Variants in COL22A1 observed in about 807,000 individuals in gnomAD.
COL22A1 encodes the protein collagen alpha-1(XXII) chain.
Under a neutral mutation model 248.9 loss-of-function variants are expected in COL22A1, and 221 were observed. The ratio of observed to expected loss-of-function variants is 0.89; its 90% confidence interval spans 0.80 to 0.99. The LOEUF is 0.99. Ranked by LOEUF, COL22A1 falls within the 50% of genes least tolerant of loss-of-function variation. The pLI is 0.00. For missense variants in COL22A1, 2,240 were observed against 2,179.0 expected (o/e 1.03, Z -0.56); for synonymous variants, 891 against 793.4 (o/e 1.12, Z -2.07).
At chr8:138,752,310 C>T (rs1192207800) in intron 21 of COL22A1, among the ~76,000 whole-genome samples, 1 of 152,234 alleles carries the variant, frequency 6.6e-6, no homozygotes, top group Non-Finnish European at 1.5e-5. Context: ...CAGAAATGCC[C>T]TCTCTGCATT....
chr8:138,660,554 C>T (rs1823730856), intron 43 of COL22A1, 74 bp from the exon 44 acceptor site: 4 of 1,314,744 alleles, frequency 3.0e-6, no homozygotes, highest in South Asian at 1.2e-5. Flanking sequence ...ACACCCTCTG[C>T]CAATCTCTCT....
chr8:138,781,011 TA>T, intron 12 of COL22A1, 31 bp from the exon 13 acceptor site: 1 of 1,521,628 alleles, frequency 6.6e-7, no homozygotes, highest in Non-Finnish European at 9.0e-7. Context: ...TAGCAATTAG[TA>T]AAGAATAACT....
intron 3 of COL22A1, among the ~76,000 whole-genome samples, chr8:138,875,532 A>C (rs1823650944): frequency 6.6e-6 from 1 of 152,210 alleles, no homozygotes; most frequent in African/African-American, 2.4e-5. Flanking sequence ...TGACAGGTAG[A>C]ATTCATTGTT....
At chr8:138,904,173 C>T (rs1274342257) in intron 1 of COL22A1, among the ~76,000 whole-genome samples, 1 of 152,140 alleles carries the variant, frequency 6.6e-6, no homozygotes, top group Non-Finnish European at 1.5e-5. Context: ...AGAGCTCACA[C>T]GGGGAGTCCC....
chr8:138,626,304 G>A, intron 50 of COL22A1, 61 bp from the exon 51 acceptor site: 1 of 1,333,408 alleles, frequency 7.5e-7, no homozygotes, highest in South Asian at 1.2e-5. Flanking sequence ...GGAAGTAAAT[G>A]ACTTCACAAG....
chr8:138,692,194 G>GTGTGCATGTGCA (rs1827073125), intron 35 of COL22A1, among the ~76,000 whole-genome samples: 31 of 151,166 alleles, frequency 2.1e-4, no homozygotes, highest in African/African-American at 6.8e-4. Flanking sequence ...GCACGTGCAT[G>GTGTGCATGTGCA]TGTGCATGTT....
intron 47 of COL22A1, among the ~76,000 whole-genome samples, chr8:138,638,974 C>G (rs1821433858): frequency 2.0e-5 from 3 of 152,152 alleles, no homozygotes; most frequent in African/African-American, 4.8e-5. Context: ...ACACCCACCC[C>G]CAAGCCTGAT....
intron 4 of COL22A1, among the ~76,000 whole-genome samples, chr8:138,842,956 G>C (rs527540650): frequency 4.9e-4 from 75 of 152,312 alleles, no homozygotes; most frequent in African/African-American, 1.8e-3. Flanking sequence ...GAAAGCAGCT[G>C]ATAGAGTATG....
intron 15 of COL22A1, 63 bp from the exon 16 acceptor site, chr8:138,776,073 G>A (rs1814429971): frequency 6.4e-7 from 1 of 1,562,682 alleles, no homozygotes; most frequent in African/African-American, 1.4e-5. Flanking sequence ...GCTCACCGTG[G>A]GGGTGTCCAT....
At chr8:138,741,924 T>G (rs901298983) in intron 22 of COL22A1, among the ~76,000 whole-genome samples, 1 of 151,974 alleles carries the variant, frequency 6.6e-6, no homozygotes, top group Non-Finnish European at 1.5e-5. Context: ...TTGATGGTGA[T>G]GGTGATGATG....
chr8:138,846,568 T>G (rs1821258651), intron 3 of COL22A1, among the ~76,000 whole-genome samples: 1 of 152,204 alleles, frequency 6.6e-6, no homozygotes, highest in South Asian at 2.1e-4. Context: ...TTGAGTTGGT[T>G]AAGTCAGAAC....
At chr8:138,726,810 G>C (rs1051710791) in intron 23 of COL22A1, among the ~76,000 whole-genome samples, 1 of 152,222 alleles carries the variant, frequency 6.6e-6, no homozygotes, top group African/African-American at 2.4e-5. Flanking sequence ...GGCTGAGCCA[G>C]GACCTCAGAG....
chr8:138,763,892 A>G (rs1563730037), intron 16 of COL22A1, among the ~76,000 whole-genome samples: 1 of 152,060 alleles, frequency 6.6e-6, no homozygotes, highest in African/African-American at 2.4e-5. Flanking sequence ...TTATCCCTGT[A>G]CACGCACCTC....
intron 39 of COL22A1, among the ~76,000 whole-genome samples, chr8:138,683,782 G>GAAA (rs2130847846): frequency 6.6e-6 from 1 of 152,258 alleles, no homozygotes; most frequent in African/African-American, 2.4e-5. Context: ...AACTTTTACT[G>GAAA]TGTTAAGCCT....
chr8:138,822,724 C>G (rs1005499676), intron 6 of COL22A1, among the ~76,000 whole-genome samples: 3 of 152,096 alleles, frequency 2.0e-5, no homozygotes, highest in African/African-American at 7.2e-5. Flanking sequence ...GGAATGGAGA[C>G]CAGTGAGCAG....
At chr8:138,752,793 A>G (rs778868983) in intron 21 of COL22A1, among the ~76,000 whole-genome samples, 1 of 152,236 alleles carries the variant, frequency 6.6e-6, no homozygotes, top group African/African-American at 2.4e-5. Context: ...TCCATTCTCA[A>G]CAGAAGTCAC....
In COL22A1 at chr8:138,777,890, G is replaced by T. The variant is rs1257151963; in HGVS notation, c.1758+463C>A. 8 of 175,396 alleles carry T rather than the reference G, an allele frequency of 4.6e-5. No homozygotes were observed. In the East Asian group the frequency reaches 5.3e-4, roughly 12 times the overall value. 10.9% of individuals were successfully genotyped at this position (175,396 alleles called of 1,614,324 possible). ...TGTTAAATGGTCGAGAAGCTACTTTGTTCCTCATACACCATATCTGTTTGT... is the reference window on the plus strand; with the variant it reads ...TGTTAAATGGTCGAGAAGCTACTTTTTTCCTCATACACCATATCTGTTTGT... On this transcript the variant is annotated intron_variant, in intron 15 of 64. Transcript: ENST00000303045.
At chr8:138,618,653 A>G (rs1439527336) in intron 53 of COL22A1, among the ~76,000 whole-genome samples, 6 of 152,196 alleles carry the variant, frequency 3.9e-5, no homozygotes, top group Non-Finnish European at 8.8e-5. Flanking sequence ...CAGGAGGTTG[A>G]TTTTTTAAAA....
In COL22A1 at chr8:138,589,116, A is replaced by G; in HGVS notation, c.*137T>C. 1.2e-6 allele frequency: 1 copy of G among 816,682 alleles called. No homozygotes were observed. Among genetic ancestry groups the G allele is most frequent in the Non-Finnish European group, 1.9e-6 (1 of 519,840 alleles). The allele number at this position is 816,682 out of a possible 1,614,324, so 50.6% of individuals were successfully genotyped here. On this transcript the variant is annotated 3_prime_UTR_variant, in exon 65 of 65. Transcript: ENST00000303045. The stretch of plus-strand genomic sequence containing the variant: ...AATTTTGAGGTCTCTCAAGAAAATA[A>G]AACAAAAAGCAAACGATAAAAGAAA...
Sources: allele counts gnomAD v4.1 joint callset (sites outside exome capture counted in the v4.1 genomes callset), GRCh38; gene constraint gnomAD v4.1.1; transcripts MANE v1.5; gene names NCBI Gene and HGNC (gene_info 2026-07-23, HGNC 2026-07-21).